Variants in ULK4 observed in about 807,000 individuals in gnomAD.
ULK4 encodes the protein unc-51 like kinase 4.
In ULK4, 133 loss-of-function variants were observed where a neutral mutation model predicts 160.6. That is an observed-to-expected ratio of 0.83 (90% CI 0.72 to 0.96). The LOEUF (loss-of-function observed/expected upper bound fraction) is 0.96, where lower values mean the gene tolerates loss of function less well. ULK4 is among the 40% of genes least tolerant of loss of function. ULK4 has a pLI of 0.00. For missense variants in ULK4, 1,580 were observed against 1,499.5 expected (o/e 1.05, Z -0.89); for synonymous variants, 534 against 539.8 (o/e 0.99, Z 0.15).
At chr3:41,431,773 C>CT (rs201018739) in intron 34 of ULK4, among the ~76,000 whole-genome samples, 1,784 of 140,784 alleles carry the variant, frequency 0.013, 32 homozygotes, top group South Asian at 0.046. Flanking sequence ...GCGACTATTT[C>CT]TTTTTTTTCC....
At chr3:41,276,216 T>C (rs2079226431) in intron 35 of ULK4, among the ~76,000 whole-genome samples, 1 of 152,204 alleles carries the variant, frequency 6.6e-6, no homozygotes, top group African/African-American at 2.4e-5. Flanking sequence ...TGATAGTAAG[T>C]AAGGAACACA....
At chr3:41,850,665 T>TTTG in intron 17 of ULK4, among the ~76,000 whole-genome samples, 1 of 152,182 alleles carries the variant, frequency 6.6e-6, no homozygotes, top group Non-Finnish European at 1.5e-5. Context: ...GGTTGTTTTT[T>TTTG]TCTTGTAAAT....
At chr3:41,702,349 T>G (rs192609343) in intron 27 of ULK4, among the ~76,000 whole-genome samples, 1 of 152,128 alleles carries the variant, frequency 6.6e-6, no homozygotes, top group African/African-American at 2.4e-5. Flanking sequence ...TTCACTATGT[T>G]GGCCAGGCTG....
rs565088936 is a variant in ULK4 at position 41,433,742 on chromosome 3, C to T, written c.3492+21755G>A. Among the ~76,000 whole-genome samples, 22 of 149,172 alleles carry T rather than the reference C, an allele frequency of 1.5e-4. No individual in the cohort carries two copies. In the South Asian group the frequency reaches 1.9e-3, roughly 13 times the overall value. On this transcript the variant is annotated intron_variant, in intron 34 of 36. Transcript: ENST00000301831. ...AAAATCCCAAACTTTTTTTTTGAGA[C>T]GGAGTCTCGCTCTGTCGCCCAGGCT... is the stretch of plus-strand genomic sequence containing the variant.
At chr3:41,671,409 C>G (rs1221664027) in intron 29 of ULK4, among the ~76,000 whole-genome samples, 1 of 152,024 alleles carries the variant, frequency 6.6e-6, no homozygotes, top group African/African-American at 2.4e-5. Flanking sequence ...ATCAATGGAA[C>G]AGAATAGAGA....
chr3:41,916,946 G>A (rs574185507), intron 7 of ULK4, among the ~76,000 whole-genome samples: 50 of 151,976 alleles, frequency 3.3e-4, no homozygotes, highest in Non-Finnish European at 5.9e-4. Flanking sequence ...GACCTCAGGT[G>A]ATCCACCCAC....
At chr3:41,261,196 T>TG (rs374525709) in intron 35 of ULK4, among the ~76,000 whole-genome samples, 143 of 137,374 alleles carry the variant, frequency 1.0e-3, no homozygotes, top group African/African-American at 4.6e-3. Context: ...TAAAAAGCCT[T>TG]GGAGTAAAAC....
At chr3:41,383,145 C>G (rs2081710371) in intron 35 of ULK4, among the ~76,000 whole-genome samples, 1 of 150,678 alleles carries the variant, frequency 6.6e-6, no homozygotes, top group African/African-American at 2.4e-5. Flanking sequence ...GTCACCCAGG[C>G]TGGAGTGCAA....
intron 31 of ULK4, among the ~76,000 whole-genome samples, chr3:41,582,237 A>G (rs898453866): frequency 5.9e-5 from 9 of 151,968 alleles, no homozygotes; most frequent in Non-Finnish European, 1.0e-4. Flanking sequence ...GTTATGTAAG[A>G]TGTGTCTTTC....
At chr3:41,900,698 C>T (rs764444723) in intron 13 of ULK4, 27 bp downstream of exon 13, 17 of 1,560,758 alleles carry the variant, frequency 1.1e-5, no homozygotes, top group Non-Finnish European at 1.5e-5. Flanking sequence ...AAGTCTACAA[C>T]TCAGTTGTTA....
intron 35 of ULK4, among the ~76,000 whole-genome samples, chr3:41,268,469 T>A (rs963572807): frequency 1.3e-5 from 2 of 152,178 alleles, no homozygotes; most frequent in African/African-American, 4.8e-5. Flanking sequence ...AAGGTCCTTC[T>A]GGGCTGCCCA....
intron 32 of ULK4, among the ~76,000 whole-genome samples, chr3:41,524,063 T>C (rs189385929): frequency 4.3e-4 from 66 of 152,304 alleles, no homozygotes; most frequent in African/African-American, 1.5e-3. Flanking sequence ...CTATGATATG[T>C]CCAGAATATG....
chr3:41,867,003 C>T (rs1375167028), intron 17 of ULK4, among the ~76,000 whole-genome samples: 4 of 152,118 alleles, frequency 2.6e-5, no homozygotes, highest in Admixed American at 2.6e-4. Context: ...ATCAATCTAG[C>T]TAGAGATTTA....
chr3:41,925,595 A>G (rs962967882), intron 5 of ULK4, among the ~76,000 whole-genome samples: 22 of 152,156 alleles, frequency 1.4e-4, no homozygotes, highest in African/African-American at 4.8e-4. Context: ...CCAGGGAGTC[A>G]CATGGTCAGG....
intron 17 of ULK4, among the ~76,000 whole-genome samples, chr3:41,871,671 G>C (rs1697097757): frequency 1.3e-5 from 2 of 152,046 alleles, no homozygotes; most frequent in Admixed American, 6.6e-5. Flanking sequence ...CATGTCTTTT[G>C]CCCATTTTCT....
At chr3:41,459,859 G>T (rs1479690935) in intron 33 of ULK4, among the ~76,000 whole-genome samples, 1 of 152,130 alleles carries the variant, frequency 6.6e-6, no homozygotes, top group African/African-American at 2.4e-5. Flanking sequence ...GTACCCTGGG[G>T]CTCGACTGTA....
intron 18 of ULK4, among the ~76,000 whole-genome samples, chr3:41,830,847 A>G (rs916030674): frequency 1.3e-5 from 2 of 152,050 alleles, no homozygotes; most frequent in African/African-American, 4.8e-5. Context: ...GGGGTATACA[A>G]AACTTGTTAA....
intron 35 of ULK4, among the ~76,000 whole-genome samples, chr3:41,341,303 T>C (rs922837681): frequency 1.3e-5 from 2 of 152,224 alleles, no homozygotes; most frequent in African/African-American, 2.4e-5. Flanking sequence ...GATGGTATGA[T>C]AGTTTATATT....
chr3:41,716,560 G>A (rs949475570), intron 23 of ULK4, among the ~76,000 whole-genome samples: 2 of 152,086 alleles, frequency 1.3e-5, no homozygotes, highest in African/African-American at 4.8e-5. Flanking sequence ...ATCTCCTAAA[G>A]CATCAGTAAG....
Sources: allele counts gnomAD v4.1 joint callset (sites outside exome capture counted in the v4.1 genomes callset), GRCh38; gene constraint gnomAD v4.1.1; transcripts MANE v1.5; gene names NCBI Gene and HGNC (gene_info 2026-07-23, HGNC 2026-07-21).